WWTR1: variants seen among roughly 807,000 people sequenced by gnomAD.
WWTR1 encodes the protein WW domain-containing transcription regulator protein 1.
A neutral mutation model predicts 40.1 loss-of-function variants in WWTR1; 13 were observed. That is an observed-to-expected ratio of 0.32 (90% confidence interval 0.21 to 0.52). WWTR1 has a LOEUF of 0.52. Ranked by LOEUF, WWTR1 falls within the 20% of genes least tolerant of loss-of-function variation. The pLI, the probability that WWTR1 is intolerant of heterozygous loss-of-function variation, is 0.97. For missense variants in WWTR1, 436 were observed against 523.1 expected (o/e 0.83, Z 1.63); for synonymous variants, 230 against 210.1 (o/e 1.09, Z -0.82).
At position 149,633,498 on chromosome 3, in the gene WWTR1, T is replaced by A. The variant is rs578105582; in HGVS notation, c.431+23378A>T. 2.2e-3 allele frequency among the ~76,000 whole-genome samples: 336 copies of A among 152,274 alleles called. 2 individuals are homozygous for A. Among genetic ancestry groups the A allele is most frequent in the Non-Finnish European group, 2.3e-3 (154 of 68,032 alleles). The stretch of plus-strand genomic sequence containing the variant: ...AAGGGTGAGGAAACCAAGTAAAAAG[T>A]CCAATATTAGGCAAGCGTCCTACCT... On this transcript the variant is annotated intron_variant, in intron 2 of 6. Coordinates refer to ENST00000360632, the MANE Select transcript of WWTR1 (RefSeq NM_015472.6).
intron 5 of WWTR1, among the ~76,000 whole-genome samples, chr3:149,717,085 T>G (rs1385844659): frequency 6.6e-6 from 1 of 152,128 alleles, no homozygotes; most frequent in Non-Finnish European, 1.5e-5. Context: ...GAGGATTGCT[T>G]GAGCTGGGGA....
At chr3:149,564,543 G>A (rs571077906) in intron 3 of WWTR1, among the ~76,000 whole-genome samples, 8 of 148,876 alleles carry the variant, frequency 5.4e-5, no homozygotes, top group Non-Finnish European at 1.2e-4. Flanking sequence ...CCGCATTACA[G>A]AGAAAATAGA....
At chr3:149,548,731 G>A (rs936112695) in intron 3 of WWTR1, among the ~76,000 whole-genome samples, 3 of 152,088 alleles carry the variant, frequency 2.0e-5, no homozygotes, top group African/African-American at 7.2e-5. Context: ...GAATATCTTC[G>A]GCTAGTATGC....
intron 1 of WWTR1, among the ~76,000 whole-genome samples, chr3:149,684,605 C>T (rs907094087): frequency 2.6e-5 from 4 of 151,562 alleles, no homozygotes; most frequent in Non-Finnish European, 4.4e-5. Context: ...ACTCTGTCAC[C>T]CAGGCTGGAG....
intron 4 of WWTR1, among the ~76,000 whole-genome samples, chr3:149,718,336 G>A (rs1490937777): frequency 1.3e-5 from 2 of 151,882 alleles, no homozygotes; most frequent in South Asian, 2.1e-4. Context: ...GCAGGAGATC[G>A]TTACCAACCA....
chr3:149,722,162 T>A (rs966820997), intron 4 of WWTR1, among the ~76,000 whole-genome samples: 2 of 152,140 alleles, frequency 1.3e-5, no homozygotes, highest in Admixed American at 1.3e-4. Context: ...ATTTTGTTGA[T>A]CTTTTGGAAG....
chr3:149,613,706 C>A (rs1185648753), intron 2 of WWTR1, among the ~76,000 whole-genome samples: 3 of 152,048 alleles, frequency 2.0e-5, no homozygotes, highest in Admixed American at 6.6e-5. Flanking sequence ...TACCACCATA[C>A]CCAGCTAATT....
chr3:149,608,843 A>G (rs1314539041), intron 2 of WWTR1, among the ~76,000 whole-genome samples: 2 of 152,088 alleles, frequency 1.3e-5, no homozygotes, highest in Non-Finnish European at 2.9e-5. Flanking sequence ...GCTTGAGCCC[A>G]GGAGTTTGAG....
At chr3:149,603,383 GA>G (rs1490096930) in intron 2 of WWTR1, among the ~76,000 whole-genome samples, 2 of 152,170 alleles carry the variant, frequency 1.3e-5, no homozygotes, top group African/African-American at 4.8e-5. Context: ...AAGGAATTTT[GA>G]CATCTTAATG....
At chr3:149,588,164 C>T (rs754873547) in intron 2 of WWTR1, among the ~76,000 whole-genome samples, 1 of 152,122 alleles carries the variant, frequency 6.6e-6, no homozygotes, top group Non-Finnish European at 1.5e-5. Context: ...GGTTTTTAAA[C>T]GGAAGCAATA....
upstream of WWTR1, among the ~76,000 whole-genome samples, chr3:149,707,946 C>G (rs1192471171): frequency 6.8e-6 from 1 of 146,758 alleles, no homozygotes; most frequent in Non-Finnish European, 1.5e-5. Context: ...CATACCAATA[C>G]TGTTCTCCTA....
chr3:149,573,690 G>T (rs1416585819), intron 2 of WWTR1, among the ~76,000 whole-genome samples: 3 of 152,006 alleles, frequency 2.0e-5, no homozygotes, highest in African/African-American at 4.8e-5. Context: ...AGGCATGAAG[G>T]TTTACAAGGG....
chr3:149,641,703 A>G (rs1712181625), intron 2 of WWTR1, among the ~76,000 whole-genome samples: 1 of 152,252 alleles, frequency 6.6e-6, no homozygotes, highest in Admixed American at 6.5e-5. Context: ...TTTAATGTTG[A>G]CACTCCAAAT....
intron 2 of WWTR1, among the ~76,000 whole-genome samples, chr3:149,655,270 C>T (rs1258392054): frequency 6.6e-6 from 1 of 151,496 alleles, no homozygotes; most frequent in Non-Finnish European, 1.5e-5. Flanking sequence ...CATGGTGAAA[C>T]CTCGTCTCTA....
rs1426680652 is a variant in WWTR1, at chr3:149,536,757, A to T, written c.771+5578T>A. ...CTCCTGTCCCCCAACCCCCAAATTA[A>T]AAAAAAAAAAAAAAAGAAAGAAAAG... On this transcript the variant is annotated intron_variant, in intron 4 of 6. Coordinates refer to ENST00000360632, the MANE Select transcript of WWTR1 (RefSeq NM_015472.6). Among the ~76,000 whole-genome samples the T allele has an allele frequency of 1.8e-4, 5 of 28,270 alleles. No individual in the cohort carries two copies. In the African/African-American group the frequency reaches 2.0e-3, roughly 12 times the overall value. The allele number at this position is 28,270 out of a possible 152,430, so 18.5% of individuals were successfully genotyped here.
At chr3:149,611,887 AAGT>A (rs1291508881) in intron 2 of WWTR1, among the ~76,000 whole-genome samples, 1 of 152,246 alleles carries the variant, frequency 6.6e-6, no homozygotes, top group African/African-American at 2.4e-5. Flanking sequence ...GATCAATCAA[AAGT>A]TTGCATGTCA....
intron 5 of WWTR1, among the ~76,000 whole-genome samples, chr3:149,527,267 C>T (rs889390517): frequency 1.3e-5 from 2 of 151,820 alleles, no homozygotes; most frequent in African/African-American, 4.8e-5. Flanking sequence ...CAATTCTCAG[C>T]CTCCCGAGTA....
At chr3:149,622,904 A>AATAATC (rs1740380824) in intron 2 of WWTR1, among the ~76,000 whole-genome samples, 1 of 151,484 alleles carries the variant, frequency 6.6e-6, no homozygotes, top group African/African-American at 2.4e-5. Flanking sequence ...TAATAATAAT[A>AATAATC]ATGTGCTCGA....
chr3:149,597,542 G>T (rs527687909), intron 2 of WWTR1, among the ~76,000 whole-genome samples: 2 of 152,214 alleles, frequency 1.3e-5, no homozygotes, highest in South Asian at 4.1e-4. Flanking sequence ...TGCCTCGAGA[G>T]GCTGGGGTGG....
Sources: gnomAD v4.1 joint callset for allele counts (sites outside exome capture counted in the v4.1 genomes callset) on GRCh38, gnomAD v4.1.1 for gene constraint, MANE v1.5 for transcripts, NCBI Gene and HGNC (gene_info 2026-07-23, HGNC 2026-07-21) for gene names.